RABGAP1L: variants seen among roughly 807,000 people sequenced by gnomAD.
RABGAP1L encodes rab GTPase-activating protein 1-like.
A neutral mutation model predicts 137.7 loss-of-function variants in RABGAP1L; 63 were observed. The ratio of observed to expected loss-of-function variants is 0.46; its 90% CI spans 0.37 to 0.56. The LOEUF (loss-of-function observed/expected upper bound fraction) is 0.56. Among genes scored for constraint, RABGAP1L ranks in the 20% least tolerant of loss-of-function variants. RABGAP1L has a pLI of 0.00. For missense variants in RABGAP1L, 1,095 were observed against 1,244.0 expected, an observed-to-expected ratio of 0.88 and a Z score of 1.80; for synonymous variants, 431 against 433.7, an observed-to-expected ratio of 0.99 and a Z score of 0.08.
chr1:174,256,674 G>A (rs1472391692), intron 7 of RABGAP1L, among the ~76,000 whole-genome samples: 1 of 152,116 alleles, frequency 6.6e-6, no homozygotes, highest in African/African-American at 2.4e-5. Flanking sequence ...CCAGCTACTT[G>A]GGAGGCTGAG....
intron 13 of RABGAP1L, among the ~76,000 whole-genome samples, chr1:174,410,096 A>G (rs1649744621): frequency 6.6e-6 from 1 of 152,144 alleles, no homozygotes; most frequent in South Asian, 2.1e-4. Flanking sequence ...GAAGTCCTTA[A>G]TAAAAACCTA....
chr1:174,488,886 G>C (rs1232156842), intron 13 of RABGAP1L, among the ~76,000 whole-genome samples: 1 of 150,932 alleles, frequency 6.6e-6, no homozygotes. Context: ...ATTTACATTA[G>C]GTATTTCTCC....
At chr1:174,564,307 C>G (rs1667423861) in intron 13 of RABGAP1L, among the ~76,000 whole-genome samples, 2 of 152,024 alleles carry the variant, frequency 1.3e-5, no homozygotes, top group Admixed American at 1.3e-4. Context: ...TTAGATCTGT[C>G]ACATATATTA....
chr1:174,353,696 A>G lies in RABGAP1L; in HGVS notation c.1466-17283A>G, dbSNP rs1268933515. On this transcript the variant is annotated intron_variant, in intron 11 of 25. Transcript: ENST00000681986. ...GTGTTACTTTCTGCTGTAATAGGGC[A>G]GCAGTGAGTTCCAATGCAAAGTTTC... is the stretch of plus-strand genomic sequence containing the variant. 4.6e-5 allele frequency among the ~76,000 whole-genome samples: 7 copies of G among 152,302 alleles called. No homozygotes were observed. In the East Asian group the frequency reaches 1.4e-3, roughly 29 times the overall value.
intron 19 of RABGAP1L, among the ~76,000 whole-genome samples, chr1:174,912,127 C>CTTTG (rs10638992): frequency 0.36 from 54,792 of 151,062 alleles, 12,921 homozygotes; most frequent in African/African-American, 0.68. Flanking sequence ...CATTAAATTC[C>CTTTG]TTTGTTTGTT....
At chr1:174,274,232 C>G (rs1285233940) in intron 8 of RABGAP1L, among the ~76,000 whole-genome samples, 1 of 152,058 alleles carries the variant, frequency 6.6e-6, no homozygotes, top group Non-Finnish European at 1.5e-5. Context: ...ATCCTCATGA[C>G]AGGAAAGTCC....
chr1:174,955,767 T>A (rs535330237), intron 19 of RABGAP1L, among the ~76,000 whole-genome samples: 3 of 152,102 alleles, frequency 2.0e-5, no homozygotes, highest in African/African-American at 7.2e-5. Context: ...ACAAAAACAT[T>A]AAGGAAAGGT....
At chr1:174,196,388 T>A (rs938321175) in intron 1 of RABGAP1L, among the ~76,000 whole-genome samples, 2 of 151,964 alleles carry the variant, frequency 1.3e-5, no homozygotes, top group Non-Finnish European at 2.9e-5. Context: ...CACGCCTGGC[T>A]AATTTTTTGT....
intron 13 of RABGAP1L, among the ~76,000 whole-genome samples, chr1:174,453,371 G>A (rs976505955): frequency 9.2e-5 from 14 of 152,170 alleles, no homozygotes; most frequent in African/African-American, 3.4e-4. Context: ...CATAAATTAT[G>A]TGAATTTAAA....
chr1:174,213,230 G>T (rs571840798), intron 1 of RABGAP1L, among the ~76,000 whole-genome samples: 10 of 152,208 alleles, frequency 6.6e-5, no homozygotes, highest in African/African-American at 2.2e-4. Flanking sequence ...TTCAAGACCA[G>T]CCTGGCCAAC....
chr1:174,324,033 C>T (rs1412202480), intron 11 of RABGAP1L, among the ~76,000 whole-genome samples: 1 of 152,112 alleles, frequency 6.6e-6, no homozygotes, highest in Non-Finnish European at 1.5e-5. Flanking sequence ...CAAATGACCC[C>T]ACAGTTTTGG....
At chr1:174,791,540 T>TA (rs1363628838) in intron 18 of RABGAP1L, among the ~76,000 whole-genome samples, 8 of 152,344 alleles carry the variant, frequency 5.3e-5, no homozygotes, top group African/African-American at 1.9e-4. Context: ...GATCAGGGAA[T>TA]AGTCTAGATT....
intron 11 of RABGAP1L, among the ~76,000 whole-genome samples, chr1:174,327,960 T>TATATATATATAC (rs1558135755): frequency 8.2e-5 from 1 of 12,232 alleles, no homozygotes; most frequent in African/African-American, 6.5e-4. Context: ...GTTGTAAATA[T>TATATATATATAC]ATATATATAT....
intron 12 of RABGAP1L, among the ~76,000 whole-genome samples, chr1:174,386,339 A>G (rs1686772940): frequency 6.6e-6 from 1 of 152,188 alleles, no homozygotes; most frequent in Non-Finnish European, 1.5e-5. Context: ...GTAAAAATAC[A>G]GAAAACAAAA....
intron 19 of RABGAP1L, among the ~76,000 whole-genome samples, chr1:174,837,109 A>G (rs1692834681): frequency 6.6e-6 from 1 of 151,814 alleles, no homozygotes; most frequent in Admixed American, 6.6e-5. Context: ...TGGGGGGCTG[A>G]GGTGGGAGAA....
intron 11 of RABGAP1L, among the ~76,000 whole-genome samples, chr1:174,347,710 G>A (rs1457228069): frequency 1.3e-5 from 2 of 152,236 alleles, no homozygotes; most frequent in East Asian, 1.9e-4. Context: ...TAGCCAGGAT[G>A]GTCTCGATCT....
rs1553324953 is a variant in RABGAP1L at position 174,534,802 on chromosome 1, A to AAAAAAAAAAAAAAAT, written c.1711-102571_1711-102570insAAAAAAAAAAAATAA. Among the ~76,000 whole-genome samples, 9 of 137,312 alleles carry AAAAAAAAAAAAAAAT rather than the reference A, an allele frequency of 6.6e-5. No homozygotes were observed. In the East Asian group the frequency reaches 1.2e-3, roughly 19 times the overall value. The allele number at this position is 137,312 out of a possible 152,430, so 90.1% of individuals were successfully genotyped here. On this transcript the variant is annotated intron_variant, in intron 13 of 25. Transcript: ENST00000681986. ...AAAAAAAAAAAAAAAAAAAAAAAAAAAATAATTAGAATAGTATGCCAGTAT... is the reference window on the plus strand; with the variant it reads ...AAAAAAAAAAAAAAAAAAAAAAAAAAAAAAAAAAAAAAAATAATAATTAGAATAGTATGCCAGTAT...
At chr1:174,246,777 C>G (rs1181797582) in intron 5 of RABGAP1L, among the ~76,000 whole-genome samples, 1 of 152,062 alleles carries the variant, frequency 6.6e-6, no homozygotes, top group Non-Finnish European at 1.5e-5. Context: ...CCATGGGTAC[C>G]AAAGGACAAC....
intron 19 of RABGAP1L, among the ~76,000 whole-genome samples, chr1:174,888,776 C>T (rs1356977281): frequency 5.9e-5 from 9 of 152,096 alleles, no homozygotes; most frequent in Non-Finnish European, 8.8e-5. Flanking sequence ...GGATTACAGA[C>T]GTGAGCCACC....
Sources: gnomAD v4.1 joint callset for allele counts (sites outside exome capture counted in the v4.1 genomes callset) on GRCh38, gnomAD v4.1.1 for gene constraint, MANE v1.5 for transcripts, NCBI Gene and HGNC (gene_info 2026-07-23, HGNC 2026-07-21) for gene names.